EDIL3: variants seen among roughly 807,000 people sequenced by gnomAD.
EDIL3 encodes the protein EGF like and discoidin domains 3.
EDIL3 carries 37 observed loss-of-function variants against 67.4 expected under a neutral mutation model. The observed-to-expected ratio is 0.55, with a 90% CI of 0.42 to 0.72. The LOEUF is 0.72. Among genes scored for constraint, EDIL3 ranks in the 30% least tolerant of loss-of-function variants. EDIL3 has a pLI of 0.00. For synonymous variants in EDIL3, 195 were observed against 196.3 expected, an observed-to-expected ratio of 0.99 and a Z score of 0.05; for missense variants, 527 against 586.3, an observed-to-expected ratio of 0.90 and a Z score of 1.04.
intron 9 of EDIL3, among the ~76,000 whole-genome samples, chr5:83,980,155 T>A (rs1421211231): frequency 1.3e-5 from 2 of 152,132 alleles, no homozygotes; most frequent in Non-Finnish European, 2.9e-5. Flanking sequence ...ACAAACATTT[T>A]ACCTATTTTC....
intron 3 of EDIL3, among the ~76,000 whole-genome samples, chr5:84,209,223 T>G (rs367938101): frequency 2.0e-5 from 3 of 148,140 alleles, no homozygotes; most frequent in Admixed American, 6.7e-5. Context: ...TGGGGACTGT[T>G]GTGGGGTGGG....
chr5:84,059,199 G>A (rs1000073219), intron 9 of EDIL3, among the ~76,000 whole-genome samples: 16 of 152,002 alleles, frequency 1.1e-4, no homozygotes, highest in Admixed American at 9.2e-4. Context: ...CTAGGAGTTC[G>A]AGATTGGCTT....
At chr5:84,212,937 C>T (rs1459943290) in intron 3 of EDIL3, among the ~76,000 whole-genome samples, 1 of 151,218 alleles carries the variant, frequency 6.6e-6, no homozygotes, top group Non-Finnish European at 1.5e-5. Context: ...CTTAACCTAC[C>T]ACTACCCACC....
At chr5:84,189,072 T>C (rs918701483) in intron 3 of EDIL3, among the ~76,000 whole-genome samples, 13 of 152,074 alleles carry the variant, frequency 8.5e-5, no homozygotes, top group Non-Finnish European at 1.5e-4. Context: ...CAGAGTTTTA[T>C]GTATTAGAAT....
At chr5:84,086,977 A>G (rs1747085493) in intron 6 of EDIL3, among the ~76,000 whole-genome samples, 1 of 152,138 alleles carries the variant, frequency 6.6e-6, no homozygotes, top group Non-Finnish European at 1.5e-5. Context: ...TGTTAAAAAA[A>G]AATTCCTAGG....
At chr5:84,214,297 G>C (rs1394787354) in intron 3 of EDIL3, among the ~76,000 whole-genome samples, 1 of 152,074 alleles carries the variant, frequency 6.6e-6, no homozygotes, top group South Asian at 2.1e-4. Context: ...CAGTATTTGT[G>C]GGGGATGGAT....
At chr5:84,187,836 T>C (rs1743497188) in intron 3 of EDIL3, among the ~76,000 whole-genome samples, 1 of 152,162 alleles carries the variant, frequency 6.6e-6, no homozygotes, top group Non-Finnish European at 1.5e-5. Context: ...CTTCTCATCC[T>C]GCTCTTTTTC....
intron 9 of EDIL3, among the ~76,000 whole-genome samples, chr5:83,981,537 T>C (rs1326069175): frequency 6.6e-6 from 1 of 152,000 alleles, no homozygotes; most frequent in African/African-American, 2.4e-5. Context: ...AAGGATAGAG[T>C]ATTTTAAGGT....
intron 9 of EDIL3, among the ~76,000 whole-genome samples, chr5:83,980,250 G>A (rs1351975679): frequency 6.8e-6 from 1 of 147,180 alleles, no homozygotes; most frequent in African/African-American, 2.5e-5. Context: ...TTTTTTTTTT[G>A]TTTTTGTTTT....
chr5:84,151,902 C>T (rs1748400908), intron 4 of EDIL3, among the ~76,000 whole-genome samples: 1 of 149,018 alleles, frequency 6.7e-6, no homozygotes, highest in Non-Finnish European at 1.5e-5. Flanking sequence ...GTTCTCTTTG[C>T]TGCTTCTTTT....
chr5:84,009,589 T>G (rs1580277458), intron 9 of EDIL3, among the ~76,000 whole-genome samples: 1 of 152,210 alleles, frequency 6.6e-6, no homozygotes, highest in East Asian at 1.9e-4. Context: ...TAGATTAATG[T>G]TTAATTTAAT....
At position 84,384,311 on chromosome 5, in the gene EDIL3, T is replaced by G. The variant is rs759727969; in HGVS notation, c.64A>C (p.Lys22Gln). The G allele has an allele frequency of 6.2e-7, 1 of 1,609,550 alleles. No individual in the cohort carries two copies. Among genetic ancestry groups the G allele is most frequent in the South Asian group, 1.1e-5 (1 of 90,372 alleles). ...GLSLGVPQFG[K>Q]GDICDPNPCE... Reference sequence around the variant, plus strand: ...TGTCCGGGTCCCGACGCCTTACCTTTGCCGAACTGGGGGACACCGAGGCTG... The same window carrying G: ...TGTCCGGGTCCCGACGCCTTACCTTGGCCGAACTGGGGGACACCGAGGCTG... The change falls in exon 1 of 11, where the codon AAA (lysine) becomes CAA (glutamine). Residue 22 changes from lysine (K) to glutamine (Q), a missense_variant. Lys to Gln is a moderately conservative substitution (Grantham distance 53). This residue lies in a region of EDIL3 where 494 missense variants were observed against 522.5 expected (regional missense o/e 0.95). Coordinates refer to ENST00000296591, the MANE Select transcript of EDIL3 (RefSeq NM_005711.5).
intron 1 of EDIL3, among the ~76,000 whole-genome samples, chr5:84,321,347 G>C (rs1746644673): frequency 6.6e-6 from 1 of 152,128 alleles, no homozygotes. Context: ...ACACAAGTTA[G>C]TGTCTTCCAT....
chr5:84,210,675 C>A (rs927166754), intron 3 of EDIL3, among the ~76,000 whole-genome samples: 1 of 152,110 alleles, frequency 6.6e-6, no homozygotes, highest in Non-Finnish European at 1.5e-5. Context: ...CACAGAGTTA[C>A]CACTGAAATC....
At chr5:83,947,951 G>C (rs1439711456) in intron 10 of EDIL3, among the ~76,000 whole-genome samples, 2 of 151,794 alleles carry the variant, frequency 1.3e-5, no homozygotes, top group East Asian at 3.9e-4. Context: ...GCATTCCATT[G>C]ACTAACATCT....
At chr5:84,077,199 G>A (rs1561424032) in intron 6 of EDIL3, among the ~76,000 whole-genome samples, 1 of 152,174 alleles carries the variant, frequency 6.6e-6, no homozygotes, top group East Asian at 1.9e-4. Flanking sequence ...ACTCACCACT[G>A]TTTGTGGCAT....
intron 1 of EDIL3, among the ~76,000 whole-genome samples, chr5:84,368,386 C>G (rs1327959389): frequency 1.3e-5 from 2 of 152,128 alleles, no homozygotes; most frequent in Non-Finnish European, 2.9e-5. Flanking sequence ...GGGGAAAGGA[C>G]AGGTTCTTCA....
chr5:84,039,574 A>G (rs1746083522), intron 9 of EDIL3, among the ~76,000 whole-genome samples: 1 of 152,168 alleles, frequency 6.6e-6, no homozygotes, highest in Non-Finnish European at 1.5e-5. Flanking sequence ...TTATCTATTG[A>G]CCGAAAATCA....
intron 1 of EDIL3, among the ~76,000 whole-genome samples, chr5:84,323,150 T>C (rs544418207): frequency 6.6e-6 from 1 of 152,192 alleles, no homozygotes; most frequent in South Asian, 2.1e-4. Context: ...GCTAGTATTA[T>C]TGTAACTTTG....
Sources: allele counts gnomAD v4.1 joint callset (sites outside exome capture counted in the v4.1 genomes callset), GRCh38; gene constraint gnomAD v4.1.1; regional missense constraint gnomAD v4.1.1; transcripts MANE v1.5; gene names NCBI Gene and HGNC (gene_info 2026-07-23, HGNC 2026-07-21).